Variants in IFT81 observed in about 807,000 individuals in gnomAD.
IFT81 encodes the protein intraflagellar transport 81, also known as intraflagellar transport protein 81 homolog.
A neutral mutation model predicts 102.6 loss-of-function variants in IFT81; 72 were observed. The observed-to-expected ratio is 0.70, with a 90% CI of 0.58 to 0.85. The LOEUF (loss-of-function observed/expected upper bound fraction) is 0.85. IFT81 is among the 40% of genes least tolerant of loss of function. The probability of loss-of-function intolerance (pLI) is 0.00; values close to 1 mark genes in which losing one functional copy is unlikely to be tolerated. For missense variants in IFT81, 723 were observed against 787.3 expected (o/e 0.92, Z 0.98); for synonymous variants, 237 against 242.7 (o/e 0.98, Z 0.22).
Position 110,180,535 on chromosome 12 carries a change from T to C in IFT81, c.1302T>C (p.Leu434=). 1 of 1,607,506 alleles carries C rather than the reference T, an allele frequency of 6.2e-7. No homozygotes were observed. The highest frequency in any genetic ancestry group is 8.5e-7 in the Non-Finnish European group (1 of 1,175,268). ...GTCTTTTGCAGAGGACTGAAGAACT[T>C]CTTAAGCAACGTCATGAAAATATTC... ...EFGLLQRTEE[L]LKQRHENIQQ... The change falls in exon 12 of 19, where the codon CTT becomes CTC. Residue 434 remains leucine (L), a synonymous_variant. Coordinates refer to ENST00000242591, the MANE Select transcript of IFT81 (RefSeq NM_014055.4).
intron 1 of IFT81, 88 bp from the exon 2 acceptor site, chr12:110,127,272 G>A (rs1893901117): frequency 1.7e-6 from 2 of 1,184,644 alleles, no homozygotes; most frequent in African/African-American, 3.2e-5. Flanking sequence ...TACTTTTCAT[G>A]CCTACGTTGT....
intron 14 of IFT81, among the ~76,000 whole-genome samples, 175 bp downstream of exon 14, chr12:110,192,881 G>T (rs961424255): frequency 6.6e-6 from 1 of 152,108 alleles, no homozygotes; most frequent in Non-Finnish European, 1.5e-5. Context: ...TGACATACAG[G>T]CCAGGTGTGG....
intron 11 of IFT81, among the ~76,000 whole-genome samples, chr12:110,169,543 A>C (rs1896638449): frequency 6.6e-6 from 1 of 152,122 alleles, no homozygotes; most frequent in Non-Finnish European, 1.5e-5. Context: ...CTTCAGAGAA[A>C]AATGTCTACC....
chr12:110,133,829 A>T lies in IFT81; in HGVS notation c.520-1119A>T, dbSNP rs367547736. 6.8e-4 allele frequency among the ~76,000 whole-genome samples: 103 copies of T among 152,086 alleles called. 2 individuals are homozygous for T. In the South Asian group the frequency reaches 0.021, roughly 32 times the overall value. ...TTCTGCATGATTTTTAATGACTTTCATTGTATTATGTGGTGATTTATTTAA... is the reference window on the plus strand; with the variant it reads ...TTCTGCATGATTTTTAATGACTTTCTTTGTATTATGTGGTGATTTATTTAA... On this transcript the variant is annotated intron_variant, in intron 5 of 18. Coordinates refer to ENST00000242591, the MANE Select transcript of IFT81 (RefSeq NM_014055.4).
At chr12:110,165,392 T>A (rs1196778985) in intron 11 of IFT81, among the ~76,000 whole-genome samples, 1 of 152,210 alleles carries the variant, frequency 6.6e-6, no homozygotes, top group Non-Finnish European at 1.5e-5. Flanking sequence ...GTGCCTGATT[T>A]AGTATCACAT....
At chr12:110,172,341 GCCTCTGCCTCTCCCCATGGTCTC>G (rs1383378910) in intron 11 of IFT81, among the ~76,000 whole-genome samples, 1 of 151,524 alleles carries the variant, frequency 6.6e-6, no homozygotes. Flanking sequence ...CTCTGCCTCT[GCCTCTGCCTCTCCCCATGGTCTC>G]CCTCTCCCCA....
chr12:110,202,058 A>G (rs1020316680), intron 14 of IFT81, among the ~76,000 whole-genome samples: 35 of 152,234 alleles, frequency 2.3e-4, no homozygotes, highest in African/African-American at 8.2e-4. Context: ...TATTATCATC[A>G]AGTATTATAT....
chr12:110,179,000 G>C (rs1477476661), intron 11 of IFT81, among the ~76,000 whole-genome samples: 1 of 151,746 alleles, frequency 6.6e-6, no homozygotes, highest in Non-Finnish European at 1.5e-5. Context: ...CTTTCCATTA[G>C]AGTTGTAACT....
At chr12:110,179,521 A>G (rs1446583891) in intron 11 of IFT81, among the ~76,000 whole-genome samples, 1 of 151,476 alleles carries the variant, frequency 6.6e-6, no homozygotes. Context: ...GAGGAGTTCA[A>G]AACCAGCCTG....
At chr12:110,158,027 G>T (rs1895938228) in intron 10 of IFT81, among the ~76,000 whole-genome samples, 1 of 151,868 alleles carries the variant, frequency 6.6e-6, no homozygotes, top group African/African-American at 2.4e-5. Flanking sequence ...CTCTTTCAGA[G>T]AATTTCTATT....
intron 8 of IFT81, among the ~76,000 whole-genome samples, chr12:110,139,944 T>C (rs1305901856): frequency 1.3e-5 from 2 of 151,224 alleles, no homozygotes; most frequent in African/African-American, 4.9e-5. Context: ...TACATGCCGA[T>C]AGTCCTAGCT....
intron 13 of IFT81, 156 bp downstream of exon 13, chr12:110,191,204 T>C: frequency 1.5e-6 from 1 of 651,410 alleles, no homozygotes. Flanking sequence ...AGAGTCTCAC[T>C]CTATTGCCCA....
chr12:110,128,023 G>GT lies in IFT81; in HGVS notation c.145-16dup, dbSNP rs759553861. 236 of 1,512,482 alleles carry GT rather than the reference G, an allele frequency of 1.6e-4. 2 individuals carry two copies. The highest frequency in any genetic ancestry group is 1.3e-4 in the Non-Finnish European group (143 of 1,088,166). 93.7% of individuals were successfully genotyped at this position (1,512,482 alleles called of 1,614,324 possible). On this transcript the variant is annotated intron_variant, in intron 2 of 18. Transcript: ENST00000242591. Reference sequence around the variant, plus strand: ...TTTGTTACATATACAACAATAACATGTTTTTTTCAATTTCTTTGTTAGCAA... The same window carrying GT: ...TTTGTTACATATACAACAATAACATGTTTTTTTTCAATTTCTTTGTTAGCAA...
chr12:110,186,073 C>T (rs955680205), intron 12 of IFT81, among the ~76,000 whole-genome samples: 12 of 152,172 alleles, frequency 7.9e-5, no homozygotes, highest in Non-Finnish European at 1.3e-4. Context: ...TAAATCTTCT[C>T]AGTTTTTGTT....
At chr12:110,139,845 AATAAATAAAATAAAATAAAAT>A (rs1894764864) in intron 8 of IFT81, among the ~76,000 whole-genome samples, 1 of 127,052 alleles carries the variant, frequency 7.9e-6, no homozygotes, top group African/African-American at 3.3e-5. Context: ...AATAAAATAA[AATAAATAAAATAAAATAAAAT>A]ATAAAATAAA....
intron 10 of IFT81, among the ~76,000 whole-genome samples, chr12:110,156,107 A>C (rs1593310077): frequency 6.6e-6 from 1 of 152,226 alleles, no homozygotes; most frequent in Non-Finnish European, 1.5e-5. Context: ...TAAACTAATA[A>C]TTCTTTTAAA....
chr12:110,188,653 G>A (rs988399028), intron 12 of IFT81, among the ~76,000 whole-genome samples: 22 of 151,708 alleles, frequency 1.5e-4, no homozygotes, highest in African/African-American at 4.6e-4. Flanking sequence ...GGCTGGGCAC[G>A]GTGGCTCACG....
intron 12 of IFT81, among the ~76,000 whole-genome samples, chr12:110,190,247 T>C (rs1330986810): frequency 1.3e-5 from 2 of 152,136 alleles, no homozygotes; most frequent in Admixed American, 6.6e-5. Flanking sequence ...CTGAACCCCA[T>C]GTAACCCCTC....
At chr12:110,215,537 C>T (rs7133359) in intron 18 of IFT81, among the ~76,000 whole-genome samples, 3,244 of 135,780 alleles carry the variant, frequency 0.024, 117 homozygotes, top group African/African-American at 0.084. Flanking sequence ...TCACAGCTCA[C>T]TGCAGCCTTG....
Sources: allele counts gnomAD v4.1 joint callset (sites outside exome capture counted in the v4.1 genomes callset), GRCh38; gene constraint gnomAD v4.1.1; transcripts MANE v1.5; gene names NCBI Gene and HGNC (gene_info 2026-07-23, HGNC 2026-07-21).